Variants in ITIH4 observed in about 807,000 individuals in gnomAD.
ITIH4 encodes inter-alpha-trypsin inhibitor heavy chain 4.
In ITIH4, 79 loss-of-function variants were observed where a neutral mutation model predicts 111.8. The ratio of observed to expected loss-of-function variants is 0.71; its 90% CI spans 0.59 to 0.85. ITIH4 has a LOEUF of 0.85. Among genes scored for constraint, ITIH4 ranks in the 40% least tolerant of loss-of-function variants. ITIH4 has a pLI of 0.00. For missense variants in ITIH4, 1,065 were observed against 1,195.8 expected (o/e 0.89, Z 1.61); for synonymous variants, 472 against 468.3 (o/e 1.01, Z -0.10).
At chr3:52,818,561 G>A in intron 17 of ITIH4, 25 bp from the exon 18 acceptor site, 1 of 1,581,172 alleles carries the variant, frequency 6.3e-7, no homozygotes, top group Non-Finnish European at 8.6e-7. Context: ...TCCGGAAACA[G>A]AAAGGGAGCA....
Position 52,813,965 on chromosome 3 carries a change from G to A in ITIH4, c.2723+10C>T. On this transcript the variant is annotated intron_variant, in intron 23 of 23. Transcript: ENST00000266041. Reference sequence around the variant, plus strand: ...CAGCTGGGCTCAGCGGTCTGCTTGTGCCAAGTCACCTGGTGGCAGAGTGGT... The same window carrying A: ...CAGCTGGGCTCAGCGGTCTGCTTGTACCAAGTCACCTGGTGGCAGAGTGGT... 6.2e-7 allele frequency: 1 copy of A among 1,608,732 alleles called. No individual in the cohort carries two copies. Among genetic ancestry groups the A allele is most frequent in the Non-Finnish European group, 8.5e-7 (1 of 1,177,536 alleles).
At chr3:52,826,306 T>C (rs910854297) in intron 5 of ITIH4, among the ~76,000 whole-genome samples, 6 of 152,192 alleles carry the variant, frequency 3.9e-5, no homozygotes, top group South Asian at 2.1e-4. Flanking sequence ...CAGTCTATTA[T>C]CCAGCCCCTT....
rs774119413 is a variant in ITIH4 at position 52,824,335 on chromosome 3, A to T, written c.1046-20T>A. On this transcript the variant is annotated intron_variant, in intron 8 of 23. Coordinates refer to ENST00000266041, the MANE Select transcript of ITIH4 (RefSeq NM_002218.5). This position sits in a 1 kb window ranked among gnomAD's most constrained non-coding sequence, Gnocchi z 4.3. ...TGGTCCCTGAGGAACACGCACTCTCAAGGTGGTCCCCAGCCAGGAGCCCTG... is the reference window on the plus strand; with the variant it reads ...TGGTCCCTGAGGAACACGCACTCTCTAGGTGGTCCCCAGCCAGGAGCCCTG... 4.0e-5 allele frequency: 64 copies of T among 1,611,978 alleles called. No homozygotes were observed. Among genetic ancestry groups the T allele is most frequent in the Non-Finnish European group, 5.4e-5 (64 of 1,178,496 alleles).
intron 2 of ITIH4, 81 bp downstream of exon 2, chr3:52,829,035 CAAG>C: frequency 7.7e-7 from 1 of 1,303,786 alleles, no homozygotes; most frequent in Admixed American, 2.4e-5. Flanking sequence ...TGCCTTACTT[CAAG>C]AAGAGGGTTT....
chr3:52,820,843 A>G lies in ITIH4; in HGVS notation c.1680-58T>C, dbSNP rs556955366. ...CCTTGAATTCGGGAACAGATTTTCCATCCAGCCCCTTCTGGGGAGGTCCCT... is the reference window on the plus strand; with the variant it reads ...CCTTGAATTCGGGAACAGATTTTCCGTCCAGCCCCTTCTGGGGAGGTCCCT... On this transcript the variant is annotated intron_variant, in intron 12 of 23. Coordinates refer to ENST00000266041, the MANE Select transcript of ITIH4 (RefSeq NM_002218.5). 74 of 1,566,356 alleles carry G rather than the reference A, an allele frequency of 4.7e-5. No homozygotes were observed. The Middle Eastern group carries it at 1.2e-3, about 25-fold the overall frequency.
At chr3:52,813,592 T>TC in intron 23 of ITIH4, 102 bp from the exon 24 acceptor site, 2 of 991,154 alleles carry the variant, frequency 2.0e-6, no homozygotes, top group Non-Finnish European at 3.2e-6. Flanking sequence ...GGGCAGGGAG[T>TC]CCTGGCGTCC....
chr3:52,830,498 T>A (rs1048813012), intron 1 of ITIH4, 55 bp downstream of exon 1: 8 of 1,528,774 alleles, frequency 5.2e-6, no homozygotes, highest in Non-Finnish European at 7.3e-6. Context: ...TCTTCCCCAC[T>A]TCCCAGGCGT....
intron 16 of ITIH4, 102 bp from the exon 17 acceptor site, chr3:52,819,620 A>T (rs1700340966): frequency 1.3e-6 from 2 of 1,583,112 alleles, no homozygotes; most frequent in East Asian, 4.5e-5. Flanking sequence ...GAGGGCAGCT[A>T]TGTCCCCTCT....
intron 14 of ITIH4, 103 bp from the exon 15 acceptor site, chr3:52,820,093 C>T: frequency 3.7e-6 from 5 of 1,361,870 alleles, no homozygotes; most frequent in Admixed American, 1.7e-5. Context: ...GCCTGAGGCA[C>T]AGCCAATATT....
At chr3:52,822,691 C>T (rs1011662624) in intron 11 of ITIH4, among the ~76,000 whole-genome samples, 22 of 152,180 alleles carry the variant, frequency 1.4e-4, no homozygotes, top group Non-Finnish European at 2.4e-4. Flanking sequence ...AGGGTGGCCA[C>T]GCAGACCGTA....
chr3:52,819,973 A>T lies in ITIH4; in HGVS notation c.1879T>A (p.Tyr627Asn). 6.2e-7 allele frequency: 1 copy of T among 1,614,038 alleles called. No homozygotes were observed. The highest frequency in any genetic ancestry group is 8.5e-7 in the Non-Finnish European group (1 of 1,180,022). The change falls in exon 15 of 24, where the codon TAT (tyrosine) becomes AAT (asparagine). Residue 627 changes from tyrosine to asparagine, a missense_variant. Transcript: ENST00000266041. ...GGTATTTTTGCTCCCTGGAGATAATATTTGAAGAAAGTGGAACCTGGAAAT... is the reference window on the plus strand; with the variant it reads ...GGTATTTTTGCTCCCTGGAGATAATTTTTGAAGAAAGTGGAACCTGGAAAT... ...NVHSGSTFFK[Y>N]YLQGAKIPKP...
At chr3:52,830,277 C>T (rs887454780) in intron 1 of ITIH4, 1 of 508,208 alleles carries the variant, frequency 2.0e-6, no homozygotes, top group East Asian at 4.4e-5. Context: ...AATCATTCTC[C>T]TGAGGTCACT....
chr3:52,830,494 C>T, intron 1 of ITIH4, 59 bp downstream of exon 1: 2 of 1,511,442 alleles, frequency 1.3e-6, no homozygotes, highest in Non-Finnish European at 9.2e-7. Flanking sequence ...AGGCTCTTCC[C>T]CACTTCCCAG....
chr3:52,827,136 A>G lies in ITIH4; in HGVS notation c.313T>C (p.Tyr105His). Reference sequence around the variant, plus strand: ...TTTCCCTTGGCCACTGCTGCGCTGTACTGTGCCTGGGCTTCAGCCTTCTCC... The same window carrying G: ...TTTCCCTTGGCCACTGCTGCGCTGTGCTGTGCCTGGGCTTCAGCCTTCTCC... ...IKEKAEAQAQ[Y>H]SAAVAKGKSA... Residue 105 changes from tyrosine to histidine, a missense_variant, in exon 3 of 24, where the codon TAC becomes CAC. Coordinates refer to ENST00000266041, the MANE Select transcript of ITIH4 (RefSeq NM_002218.5). 4 of 1,614,132 alleles carry G rather than the reference A, an allele frequency of 2.5e-6. No homozygotes were observed. Among genetic ancestry groups the G allele is most frequent in the Non-Finnish European group, 3.4e-6 (4 of 1,180,032 alleles).
At position 52,818,141 on chromosome 3, in the gene ITIH4, AG is replaced by A; in HGVS notation, c.2206del (p.Leu736CysfsTer22). On this transcript the variant is annotated frameshift_variant, in exon 20 of 24. Transcript: ENST00000266041. LOFTEE classifies it high-confidence loss of function. ...CTCCACACTCTGCCCAGGCAGTGGC[AG>A]GATGGCAGAGGGAGCCTGTATGGGG... ...PAPIQAPSAI[L>X]PLPGQSVERL... is the part of the protein sequence containing the mutation. The A allele has an allele frequency of 6.2e-7, 1 of 1,613,202 alleles. No individual in the cohort carries two copies. The highest frequency in any genetic ancestry group is 8.5e-7 in the Non-Finnish European group (1 of 1,179,520).
chr3:52,820,342 G>GAGAC (rs748633626), intron 13 of ITIH4, 25 bp from the exon 14 acceptor site: 4 of 1,609,948 alleles, frequency 2.5e-6, no homozygotes. Context: ...GAGAGAGAGA[G>GAGAC]AGACAGACAG....
chr3:52,826,726 G>A, intron 4 of ITIH4, 65 bp downstream of exon 4: 2 of 1,611,946 alleles, frequency 1.2e-6, no homozygotes, highest in Non-Finnish European at 1.7e-6. Flanking sequence ...GGGACAAAGA[G>A]GGGCCGCCCT....
rs556278198 is a variant in ITIH4, at chr3:52,813,871, T to C, written c.2723+104A>G. On this transcript the variant is annotated intron_variant, in intron 23 of 23. Transcript: ENST00000266041. ...CAACCTTCCACCGGACTGTGTCTAG[T>C]TCCTGGGCAAGGACAGGAGTGGGGC... 8.4e-5 allele frequency: 74 copies of C among 880,342 alleles called. 2 individuals carry two copies. The South Asian group carries it at 1.0e-3, about 12-fold the overall frequency. The allele number at this position is 880,342 out of a possible 1,614,324, so 54.5% of individuals were successfully genotyped here.
intron 11 of ITIH4, among the ~76,000 whole-genome samples, chr3:52,821,502 G>A (rs1445558769): frequency 6.6e-6 from 1 of 152,144 alleles, no homozygotes; most frequent in Non-Finnish European, 1.5e-5. Flanking sequence ...GCTACAGCCT[G>A]CCCTTACCCC....
Sources: allele counts gnomAD v4.1 joint callset (sites outside exome capture counted in the v4.1 genomes callset), GRCh38; gene constraint gnomAD v4.1.1; non-coding constraint Gnocchi (gnomAD v3.1); transcripts MANE v1.5; gene names NCBI Gene and HGNC (gene_info 2026-07-23, HGNC 2026-07-21).